GRID1: variants seen among roughly 807,000 people sequenced by gnomAD.
GRID1 encodes the protein glutamate receptor ionotropic, delta-1.
GRID1 carries 28 observed loss-of-function variants against 98.0 expected under a neutral mutation model. The observed-to-expected ratio is 0.29, with a 90% confidence interval of 0.21 to 0.39. The LOEUF (loss-of-function observed/expected upper bound fraction) is 0.39, where lower values mean the gene tolerates loss of function less well. Among genes scored for constraint, GRID1 ranks in the 10% least tolerant of loss-of-function variants. The pLI is 1.00. For synonymous variants in GRID1, 553 were observed against 538.5 expected, an observed-to-expected ratio of 1.03 and a Z score of -0.37; for missense variants, 1,111 against 1,340.5, an observed-to-expected ratio of 0.83 and a Z score of 2.67.
At position 85,998,017 on chromosome 10, in the gene GRID1, G is replaced by T. The variant is rs564399721; in HGVS notation, c.727-81778C>A. ...AAGGTTATGTGAAGCAAACACTGGA[G>T]GAACTAAAATGACAAATAAATGCAT... On this transcript the variant is annotated intron_variant, in intron 4 of 15. Transcript: ENST00000327946. 6.6e-5 allele frequency among the ~76,000 whole-genome samples: 10 copies of T among 152,218 alleles called. No individual in the cohort carries two copies. The East Asian group carries it at 1.5e-3, about 23-fold the overall frequency.
intron 2 of GRID1, among the ~76,000 whole-genome samples, chr10:86,219,855 ACT>A (rs1419483044): frequency 6.6e-6 from 1 of 151,760 alleles, no homozygotes; most frequent in Non-Finnish European, 1.5e-5. Context: ...TCACAAACTA[ACT>A]CTGTCCAGCC....
At chr10:85,902,247 T>A (rs1423258067) in intron 5 of GRID1, among the ~76,000 whole-genome samples, 1 of 152,182 alleles carries the variant, frequency 6.6e-6, no homozygotes, top group Non-Finnish European at 1.5e-5. Context: ...AGTAGGTGAC[T>A]AATGGGTGGG....
Position 85,601,109 on chromosome 10 carries a change from G to A in GRID1, c.*1164C>T, listed in dbSNP as rs1346950385. ...CTTCTCACCTAAGGCGCAAGGCAAGGCTTCCTCCTACCCAAATAAACATGG... is the reference window on the plus strand; with the variant it reads ...CTTCTCACCTAAGGCGCAAGGCAAGACTTCCTCCTACCCAAATAAACATGG... On this transcript the variant is annotated 3_prime_UTR_variant, in exon 16 of 16. Coordinates refer to ENST00000327946, the MANE Select transcript of GRID1 (RefSeq NM_017551.3). The A allele has an allele frequency of 6.6e-6, 1 of 152,280 alleles. No homozygotes were observed. Among genetic ancestry groups the A allele is most frequent in the African/African-American group, 2.4e-5 (1 of 41,414 alleles). The allele number at this position is 152,280 out of a possible 1,614,324, so 9.4% of individuals were successfully genotyped here. A position where few individuals can be genotyped will look rare whatever the true frequency, so the allele number is the denominator to read the frequency against.
intron 12 of GRID1, among the ~76,000 whole-genome samples, chr10:85,686,398 A>G (rs183725722): frequency 9.2e-5 from 14 of 152,348 alleles, no homozygotes; most frequent in Admixed American, 9.1e-4. Context: ...AGGAATGCAC[A>G]CTGTAGCACT....
chr10:86,085,209 G>C (rs1844033887), intron 4 of GRID1, among the ~76,000 whole-genome samples: 1 of 152,174 alleles, frequency 6.6e-6, no homozygotes, highest in Non-Finnish European at 1.5e-5. Context: ...ACCCCTCCAG[G>C]AATAGCTGGA....
At chr10:86,293,178 T>G (rs1037530015) in intron 2 of GRID1, among the ~76,000 whole-genome samples, 8 of 152,202 alleles carry the variant, frequency 5.3e-5, no homozygotes, top group African/African-American at 1.9e-4. Context: ...TTCCTCGAGC[T>G]CCAACCTTTC....
chr10:85,967,161 T>C (rs919462191), intron 4 of GRID1, among the ~76,000 whole-genome samples: 1 of 152,220 alleles, frequency 6.6e-6, no homozygotes, highest in Admixed American at 6.5e-5. Context: ...TCCCCAGCCA[T>C]GTGGAACTGT....
chr10:86,197,472 A>G (rs1321749734), intron 3 of GRID1, among the ~76,000 whole-genome samples: 1 of 152,080 alleles, frequency 6.6e-6, no homozygotes, highest in East Asian at 1.9e-4. Flanking sequence ...TAACAACACA[A>G]CATCTCCCTT....
At chr10:85,726,963 G>A (rs1042707076) in intron 10 of GRID1, among the ~76,000 whole-genome samples, 3 of 152,080 alleles carry the variant, frequency 2.0e-5, no homozygotes, top group African/African-American at 4.8e-5. Context: ...AATAGAAATC[G>A]GACGAATGAC....
chr10:85,816,283 T>C (rs920731809), intron 8 of GRID1, among the ~76,000 whole-genome samples: 2 of 152,202 alleles, frequency 1.3e-5, no homozygotes, highest in African/African-American at 2.4e-5. Flanking sequence ...CAAGATGTCC[T>C]TCAAGAGTTG....
At chr10:85,659,922 T>C (rs1840946360) in intron 12 of GRID1, among the ~76,000 whole-genome samples, 1 of 152,236 alleles carries the variant, frequency 6.6e-6, no homozygotes, top group African/African-American at 2.4e-5. Flanking sequence ...TTGAGCTTGT[T>C]GAGCTGTTGA....
chr10:85,843,394 T>G (rs1365477917), intron 8 of GRID1, among the ~76,000 whole-genome samples: 5 of 152,084 alleles, frequency 3.3e-5, no homozygotes, highest in Non-Finnish European at 7.4e-5. Context: ...ATTCTTAGAC[T>G]TGACACCAAA....
At position 85,701,549 on chromosome 10, in the gene GRID1, G is replaced by T. The variant is rs910300576; in HGVS notation, c.1997+21454C>A. Among the ~76,000 whole-genome samples the T allele has an allele frequency of 2.6e-5, 4 of 152,252 alleles. No homozygotes were observed. The South Asian group carries it at 8.3e-4, about 32-fold the overall frequency. On this transcript the variant is annotated intron_variant, in intron 12 of 15. Transcript: ENST00000327946. ...AATGGGGATTTAAATTTATATCACA[G>T]TCTCCACCTGTACTCACAAGCCCAG...
At chr10:85,895,016 A>AAAT (rs766551035) in intron 5 of GRID1, among the ~76,000 whole-genome samples, 122 of 97,108 alleles carry the variant, frequency 1.3e-3, no homozygotes, top group Admixed American at 2.5e-3. Flanking sequence ...AAAAAAAAAA[A>AAAT]ATATATATAT....
Position 85,916,107 on chromosome 10 carries a change from T to G in GRID1, c.780+79A>C. On this transcript the variant is annotated intron_variant, in intron 5 of 15. Coordinates refer to ENST00000327946, the MANE Select transcript of GRID1 (RefSeq NM_017551.3). The surrounding 1 kb of genome is among the most constrained non-coding windows in gnomAD (Gnocchi z 4.0). ...ACAGCCCCCTAAGTCAGAATTGAAC[T>G]GAAAAGAATCACACTGAGCTTTACA... 9.0e-7 allele frequency: 1 copy of G among 1,113,756 alleles called. No homozygotes were observed. The allele number at this position is 1,113,756 out of a possible 1,614,324, so 69.0% of individuals were successfully genotyped here.
At chr10:86,308,484 G>A (rs188966946) in intron 2 of GRID1, among the ~76,000 whole-genome samples, 84 of 152,334 alleles carry the variant, frequency 5.5e-4, no homozygotes, top group African/African-American at 1.7e-3. Context: ...CAGCCTCAGA[G>A]TGACTGTGGG....
chr10:85,917,091 C>A (rs1242610837), intron 4 of GRID1, among the ~76,000 whole-genome samples: 1 of 152,146 alleles, frequency 6.6e-6, no homozygotes, highest in African/African-American at 2.4e-5. Flanking sequence ...TGCTTTCCCT[C>A]TCCTTCAATT....
chr10:85,840,970 C>T (rs563287747), intron 8 of GRID1, among the ~76,000 whole-genome samples: 57 of 152,150 alleles, frequency 3.7e-4, no homozygotes, highest in Non-Finnish European at 7.1e-4. Flanking sequence ...AGATTCTTCA[C>T]AGAACTAGAA....
chr10:86,232,506 T>A (rs1476751177), intron 2 of GRID1, among the ~76,000 whole-genome samples: 1 of 152,064 alleles, frequency 6.6e-6, no homozygotes, highest in Non-Finnish European at 1.5e-5. Context: ...TTCCCACCCA[T>A]CCTGAACCTA....
Sources: allele counts gnomAD v4.1 joint callset (sites outside exome capture counted in the v4.1 genomes callset), GRCh38; gene constraint gnomAD v4.1.1; non-coding constraint Gnocchi (gnomAD v3.1); transcripts MANE v1.5; gene names NCBI Gene and HGNC (gene_info 2026-07-23, HGNC 2026-07-21).